Variants in UBE2U observed in about 807,000 individuals in gnomAD.
UBE2U encodes the protein ubiquitin conjugating enzyme E2 U.
A neutral mutation model predicts 41.2 loss-of-function variants in UBE2U; 39 were observed. The observed-to-expected ratio is 0.95, with a 90% CI of 0.73 to 1.24. The LOEUF is 1.24. UBE2U is among the 50% of genes most tolerant of loss of function. The pLI, the probability that UBE2U is intolerant of heterozygous loss-of-function variation, is 0.00. For synonymous variants in UBE2U, 107 were observed against 117.8 expected (o/e 0.91, Z 0.60); for missense variants, 336 against 363.1 (o/e 0.93, Z 0.61).
At chr1:64,245,358 C>T (rs1644903622) in intron 8 of UBE2U, among the ~76,000 whole-genome samples, 1 of 152,112 alleles carries the variant, frequency 6.6e-6, no homozygotes, top group African/African-American at 2.4e-5. Flanking sequence ...TTCGAGTGTT[C>T]TTGGTTGTGC....
chr1:64,241,577 G>T, intron 7 of UBE2U, 75 bp from the exon 8 acceptor site: 2 of 1,051,762 alleles, frequency 1.9e-6, no homozygotes, highest in South Asian at 1.5e-5. Context: ...AGAAGTGAAT[G>T]ATTTTTAACT....
chr1:64,224,577 G>A (rs1290640234), intron 6 of UBE2U, among the ~76,000 whole-genome samples: 3 of 152,102 alleles, frequency 2.0e-5, no homozygotes, highest in Non-Finnish European at 4.4e-5. Context: ...ACAAAAATTA[G>A]TTGGGCATGG....
At chr1:64,219,002 C>T (rs1652229063) in intron 5 of UBE2U, among the ~76,000 whole-genome samples, 1 of 152,152 alleles carries the variant, frequency 6.6e-6, no homozygotes, top group African/African-American at 2.4e-5. Context: ...GCTGGGATGG[C>T]CTTTTTGGTG....
At chr1:64,226,088 T>C (rs538010396) in intron 6 of UBE2U, among the ~76,000 whole-genome samples, 146 of 152,352 alleles carry the variant, frequency 9.6e-4, no homozygotes, top group African/African-American at 3.5e-3. Flanking sequence ...GCTTTATTTA[T>C]AATATCGCAA....
At chr1:64,242,149 G>A (rs890652599) in intron 8 of UBE2U, among the ~76,000 whole-genome samples, 2 of 151,964 alleles carry the variant, frequency 1.3e-5, no homozygotes, top group African/African-American at 4.8e-5. Flanking sequence ...TTCTCCCACA[G>A]ATTTCTCATT....
intron 7 of UBE2U, among the ~76,000 whole-genome samples, chr1:64,239,015 C>T (rs747545593): frequency 4.1e-5 from 6 of 146,658 alleles, no homozygotes; most frequent in African/African-American, 7.6e-5. Context: ...GCACTCCAGC[C>T]TGGGTGACAA....
At chr1:64,227,520 G>A (rs562543860) in intron 6 of UBE2U, among the ~76,000 whole-genome samples, 6 of 152,052 alleles carry the variant, frequency 3.9e-5, no homozygotes, top group African/African-American at 7.2e-5. Context: ...TACCACTTAC[G>A]GCCAGGCGCC....
intron 7 of UBE2U, among the ~76,000 whole-genome samples, chr1:64,238,771 G>A (rs928665075): frequency 1.3e-5 from 2 of 152,018 alleles, no homozygotes; most frequent in Non-Finnish European, 2.9e-5. Context: ...GCTGGGCACA[G>A]TGGTTCACAT....
chr1:64,209,627 T>C (rs1651540151), intron 3 of UBE2U, among the ~76,000 whole-genome samples: 1 of 152,320 alleles, frequency 6.6e-6, no homozygotes, highest in Non-Finnish European at 1.5e-5. Context: ...TATTTTATAA[T>C]TACATATGAA....
At chr1:64,247,868 A>C (rs1187898371) in intron 8 of UBE2U, among the ~76,000 whole-genome samples, 1 of 54,550 alleles carries the variant, frequency 1.8e-5, no homozygotes, top group African/African-American at 4.4e-5. Context: ...GTCTCACAAA[A>C]AAAAAAAAAA....
chr1:64,249,890 T>G (rs1644980162), intron 8 of UBE2U, among the ~76,000 whole-genome samples: 1 of 152,086 alleles, frequency 6.6e-6, no homozygotes, highest in Admixed American at 6.5e-5. Context: ...TGATGAAGTC[T>G]GCAAATTCAC....
At chr1:64,215,909 A>G (rs1028517394) in intron 5 of UBE2U, among the ~76,000 whole-genome samples, 1 of 152,082 alleles carries the variant, frequency 6.6e-6, no homozygotes, top group African/African-American at 2.4e-5. Flanking sequence ...CTGGGCTCCT[A>G]CTGACATAGT....
chr1:64,250,759 T>C (rs1231600273), intron 8 of UBE2U, among the ~76,000 whole-genome samples: 1 of 152,084 alleles, frequency 6.6e-6, no homozygotes, highest in Admixed American at 6.5e-5. Context: ...TCATGTCCTT[T>C]GTAGGGACAT....
intron 7 of UBE2U, among the ~76,000 whole-genome samples, chr1:64,239,157 A>AAGAAGAAGGAGAAGAAG: frequency 8.1e-5 from 3 of 37,064 alleles, no homozygotes; most frequent in African/African-American, 2.5e-4. Flanking sequence ...GAAGAAGAAG[A>AAGAAGAAGGAGAAGAAG]AAGAAGAAGA....
In UBE2U at chr1:64,231,217, T is replaced by C. The variant is rs532254164; in HGVS notation, c.507-1344T>C. Among the ~76,000 whole-genome samples the C allele has an allele frequency of 3.6e-3, 543 of 148,778 alleles. 2 individuals carry two copies. The highest frequency in any genetic ancestry group is 0.012 in the Admixed American group (176 of 14,706). On this transcript the variant is annotated intron_variant, in intron 6 of 9. Transcript: ENST00000371077. Reference sequence around the variant, plus strand: ...TGGGAAGGGAAAAGGTCATGGGTCGTGGTCAAACAGACAAAAAACAATGGA... The same window carrying C: ...TGGGAAGGGAAAAGGTCATGGGTCGCGGTCAAACAGACAAAAAACAATGGA...
rs566389460 is a variant in UBE2U at position 64,227,125 on chromosome 1, T to G, written c.507-5436T>G. Among the ~76,000 whole-genome samples, 2 of 152,258 alleles carry G rather than the reference T, an allele frequency of 1.3e-5. 1 individual carries two copies. The highest frequency in any genetic ancestry group is 4.8e-5 in the African/African-American group (2 of 41,550). ...CAAACTGAAACAGAAATTCCCTTAT[T>G]TCAGTAATAGGAATCTACAAAAGTC... On this transcript the variant is annotated intron_variant, in intron 6 of 9. Coordinates refer to ENST00000371077, the MANE Select transcript of UBE2U (RefSeq NM_001366232.2).
chr1:64,239,098 A>AGAAGAAGAAGAAG (rs1644740802), intron 7 of UBE2U, among the ~76,000 whole-genome samples: 5 of 26,104 alleles, frequency 1.9e-4, no homozygotes, highest in African/African-American at 6.9e-4. Context: ...AAGAGGAAGA[A>AGAAGAAGAAGAAG]GAAGAAGAAG....
intron 8 of UBE2U, among the ~76,000 whole-genome samples, chr1:64,250,236 T>G (rs1276459960): frequency 1.3e-5 from 2 of 152,188 alleles, no homozygotes; most frequent in Non-Finnish European, 2.9e-5. Context: ...AACCACATAG[T>G]TGAAATGAAC....
At chr1:64,257,601 A>G (rs1316880832) in intron 8 of UBE2U, among the ~76,000 whole-genome samples, 4 of 152,118 alleles carry the variant, frequency 2.6e-5, no homozygotes, top group African/African-American at 9.7e-5. Context: ...ACACACACTG[A>G]GGCCTGTTGG....
Sources: allele counts gnomAD v4.1 joint callset (sites outside exome capture counted in the v4.1 genomes callset), GRCh38; gene constraint gnomAD v4.1.1; transcripts MANE v1.5; gene names NCBI Gene and HGNC (gene_info 2026-07-23, HGNC 2026-07-21).